Variants in GLB1L3 observed in about 807,000 individuals in gnomAD.
The protein encoded by GLB1L3 is galactosidase beta 1 like 3.
In GLB1L3, 89 loss-of-function variants were observed where a neutral mutation model predicts 89.5. The observed-to-expected ratio is 0.99, with a 90% CI of 0.84 to 1.19. The LOEUF (loss-of-function observed/expected upper bound fraction) is 1.19. Among genes scored for constraint, GLB1L3 ranks in the 50% most tolerant of loss-of-function variants. The probability of loss-of-function intolerance (pLI) is 0.00; values close to 1 mark genes in which losing one functional copy is unlikely to be tolerated. For synonymous variants in GLB1L3, 314 were observed against 312.3 expected (o/e 1.01, Z -0.06); for missense variants, 812 against 813.3 (o/e 1.00, Z 0.02).
At chr11:134,318,486 A>C (rs1943073242) in intron 18 of GLB1L3, 145 bp from the exon 19 acceptor site, 1 of 603,826 alleles carries the variant, frequency 1.7e-6, no homozygotes, top group Non-Finnish European at 3.0e-6. Flanking sequence ...AGCAAGGTAG[A>C]AGTTCTATAA....
chr11:134,278,177 G>T (rs983226659), intron 3 of GLB1L3, among the ~76,000 whole-genome samples: 1 of 152,136 alleles, frequency 6.6e-6, no homozygotes, highest in Non-Finnish European at 1.5e-5. Flanking sequence ...TCTAATGAAG[G>T]AACACCAGGC....
chr11:134,278,647 C>T (rs1276475758), intron 3 of GLB1L3, among the ~76,000 whole-genome samples: 1 of 152,174 alleles, frequency 6.6e-6, no homozygotes, highest in Admixed American at 6.5e-5. Context: ...CTCCTGAGGG[C>T]CTGCCACCAC....
intron 6 of GLB1L3, among the ~76,000 whole-genome samples, chr11:134,287,484 G>C (rs185553766): frequency 9.2e-4 from 140 of 152,276 alleles, no homozygotes; most frequent in African/African-American, 3.1e-3. Context: ...TGGTTTACTT[G>C]GGACTTTTAT....
chr11:134,305,212 C>T, intron 9 of GLB1L3: 1 of 948,406 alleles, frequency 1.1e-6, no homozygotes, highest in South Asian at 1.4e-5. Context: ...TAATTTTGTC[C>T]TTCTAAGCTT....
intron 18 of GLB1L3, chr11:134,317,194 G>A (rs951614667): frequency 3.9e-5 from 6 of 152,266 alleles, no homozygotes; most frequent in African/African-American, 9.6e-5. Flanking sequence ...GTCTAGTGGC[G>A]ATGAACTCCC....
At chr11:134,310,258 T>C (rs751060241) in intron 11 of GLB1L3, 55 of 409,498 alleles carry the variant, frequency 1.3e-4, no homozygotes, top group Non-Finnish European at 2.2e-4. Flanking sequence ...AGTTTATGAA[T>C]TTGTGTTGGG....
At chr11:134,302,245 C>T (rs188309733) in intron 9 of GLB1L3, among the ~76,000 whole-genome samples, 4 of 152,322 alleles carry the variant, frequency 2.6e-5, no homozygotes, top group Admixed American at 2.6e-4. Flanking sequence ...GCTGTGCTTA[C>T]TATCAAATTG....
intron 9 of GLB1L3, among the ~76,000 whole-genome samples, chr11:134,295,776 T>G (rs908367239): frequency 3.9e-5 from 6 of 152,216 alleles, no homozygotes; most frequent in South Asian, 2.1e-4. Context: ...GTACTAGTTT[T>G]GCTGCATCTC....
At position 134,288,869 on chromosome 11, in the gene GLB1L3, A is replaced by G. The variant is rs201745280; in HGVS notation, c.708A>G (p.Thr236=). 1.8e-4 allele frequency: 294 copies of G among 1,612,162 alleles called. No individual in the cohort carries two copies. Among genetic ancestry groups the G allele is most frequent in the Middle Eastern group, 4.9e-4 (3 of 6,070 alleles). ...NEYGSFNKDK[T]YMPYLHKALL... is the part of the protein sequence containing the mutation. ...ATGGCTCATTCAATAAGGATAAAACATACATGCCGTATCTCCACAAGGTAA... is the reference window on the plus strand; with the variant it reads ...ATGGCTCATTCAATAAGGATAAAACGTACATGCCGTATCTCCACAAGGTAA... The change falls in exon 7 of 20, where the codon ACA becomes ACG. Residue 236 remains threonine, a synonymous_variant. Coordinates refer to ENST00000431683, the MANE Select transcript of GLB1L3 (RefSeq NM_001080407.3).
Position 134,314,027 on chromosome 11 carries a change from A to G in GLB1L3, c.1666A>G (p.Arg556Gly). 1 of 1,603,610 alleles carries G rather than the reference A, an allele frequency of 6.2e-7. No homozygotes were observed. The highest frequency in any genetic ancestry group is 8.5e-7 in the Non-Finnish European group (1 of 1,171,328). Residue 556 changes from arginine (R) to glycine (G), a missense_variant and splice_region_variant, in exon 17 of 20, where the codon AGG becomes GGG. Coordinates refer to ENST00000431683, the MANE Select transcript of GLB1L3 (RefSeq NM_001080407.3). ...GGAGATGAAAATGAGCTTCTTTGAG[A>G]GGTATGCTCCAGCTGGCCCCCAGTG... ...SLEMKMSFFERLRSATWKPVP... is the reference protein window; with the variant it reads ...SLEMKMSFFEGLRSATWKPVP...
chr11:134,306,970 G>A (rs561864275), intron 9 of GLB1L3, among the ~76,000 whole-genome samples, 154 bp from the exon 10 acceptor site: 4 of 152,238 alleles, frequency 2.6e-5, no homozygotes, highest in Non-Finnish European at 4.4e-5. Flanking sequence ...CAAGGGCCGT[G>A]GGGGAAGAAA....
intron 12 of GLB1L3, 171 bp downstream of exon 12, chr11:134,310,822 T>A (rs1942695803): frequency 3.3e-5 from 21 of 629,170 alleles, no homozygotes; most frequent in Non-Finnish European, 5.0e-5. Context: ...TGTGATTTTT[T>A]AAAATCAGGG....
chr11:134,312,757 C>T (rs1021944916), intron 14 of GLB1L3, 59 bp from the exon 15 acceptor site: 15 of 1,426,334 alleles, frequency 1.1e-5, no homozygotes, highest in African/African-American at 5.6e-5. Flanking sequence ...AAACCGCGGC[C>T]TCTCTTCTCC....
intron 9 of GLB1L3, among the ~76,000 whole-genome samples, chr11:134,303,692 AT>A (rs1365134336): frequency 6.6e-6 from 1 of 152,216 alleles, no homozygotes; most frequent in African/African-American, 2.4e-5. Flanking sequence ...AACTCTAAAA[AT>A]ATCATGTATT....
intron 9 of GLB1L3, 48 bp from the exon 10 acceptor site, chr11:134,307,076 C>T (rs765215602): frequency 6.9e-7 from 1 of 1,438,924 alleles, no homozygotes; most frequent in Non-Finnish European, 9.7e-7. Flanking sequence ...TCTGATTTTT[C>T]TTTTTTGTTT....
chr11:134,310,220 A>T (rs572348934), intron 11 of GLB1L3: 3 of 301,002 alleles, frequency 1.0e-5, no homozygotes, highest in East Asian at 6.4e-5. Context: ...TGATGAGCTT[A>T]AAAAAAAAAC....
chr11:134,286,628 T>A (rs368134871), intron 6 of GLB1L3, among the ~76,000 whole-genome samples: 2 of 149,664 alleles, frequency 1.3e-5, no homozygotes, highest in African/African-American at 4.9e-5. Flanking sequence ...ATAGAAAAAA[T>A]TAGCCGGGCG....
chr11:134,310,043 C>T (rs186997220), intron 11 of GLB1L3: 109 of 477,982 alleles, frequency 2.3e-4, no homozygotes, highest in African/African-American at 1.5e-3. Context: ...AGGGTAGGAA[C>T]GGTGACTGCT....
chr11:134,293,199 A>G lies in GLB1L3; in HGVS notation c.866A>G (p.His289Arg), dbSNP rs1941455867. ...CACCAGGATACTTTCAATCAGCTTC[A>G]TAAAGTCCAGGTAAGACATTTCAGA... The part of the protein sequence containing the change: ...KLHQDTFNQL[H>R]KVQRDKPLLI... Residue 289 changes from histidine (H) to arginine (R), a missense_variant, in exon 9 of 20, where the codon CAT becomes CGT. By Grantham distance (29) the His-to-Arg change is conservative. Around this residue, in one of 3 missense-constraint regions of GLB1L3, gnomAD observed 618 missense variants for 604.0 expected, o/e 1.02. Transcript: ENST00000431683. 2.5e-6 allele frequency: 4 copies of G among 1,613,610 alleles called. No individual in the cohort carries two copies. The South Asian group carries it at 4.4e-5, about 18-fold the overall frequency.
Sources: gnomAD v4.1 joint callset for allele counts (sites outside exome capture counted in the v4.1 genomes callset) on GRCh38, gnomAD v4.1.1 for gene constraint, gnomAD v4.1.1 regional missense constraint, MANE v1.5 for transcripts, NCBI Gene and HGNC (gene_info 2026-07-23, HGNC 2026-07-21) for gene names.